CUX1: variants seen among roughly 807,000 people sequenced by gnomAD.
The protein encoded by CUX1 is protein CASP.
Under a neutral mutation model 158.8 loss-of-function variants are expected in CUX1, and 31 were observed. The ratio of observed to expected loss-of-function variants is 0.20; its 90% CI spans 0.15 to 0.26. The LOEUF is 0.26. Ranked by LOEUF, CUX1 falls within the 10% of genes least tolerant of loss-of-function variation. The probability of loss-of-function intolerance (pLI) is 1.00; values close to 1 mark genes in which losing one functional copy is unlikely to be tolerated. For synonymous variants in CUX1, 879 were observed against 862.1 expected (o/e 1.02, Z -0.34); for missense variants, 1,589 against 2,014.6 (o/e 0.79, Z 4.04).
At chr7:102,144,467 A>T (rs1165307922) in intron 8 of CUX1, among the ~76,000 whole-genome samples, 1 of 152,104 alleles carries the variant, frequency 6.6e-6, no homozygotes, top group Non-Finnish European at 1.5e-5. Context: ...AAACATTTTA[A>T]CACACATATC....
intron 1 of CUX1, among the ~76,000 whole-genome samples, chr7:101,839,347 G>A (rs547266697): frequency 6.6e-5 from 10 of 151,156 alleles, no homozygotes; most frequent in African/African-American, 1.9e-4. Flanking sequence ...TCTTACACAC[G>A]TCCCTTACCA....
At position 102,255,038 on chromosome 7, in the gene CUX1, G is replaced by C. The variant is rs1415216955; in HGVS notation, c.*5996G>C. On this transcript the variant is annotated 3_prime_UTR_variant, in exon 24 of 24. Transcript: ENST00000292535. ...CAGGACGGAAGAGGAGGGGGTGTGG[G>C]GGGCAGAGCGTAAAACAAGCCCCAG... The C allele has an allele frequency of 1.5e-5, 15 of 985,358 alleles. No homozygotes were observed. In the Admixed American group the frequency reaches 2.5e-4, roughly 16 times the overall value. The allele number at this position is 985,358 out of a possible 1,614,324, so 61.0% of individuals were successfully genotyped here. A position where few individuals can be genotyped will look rare whatever the true frequency, so the allele number is the denominator to read the frequency against.
chr7:102,273,265 A>G, intron 14 of CUX1: 2 of 1,479,926 alleles, frequency 1.4e-6, no homozygotes, highest in Non-Finnish European at 1.8e-6. Context: ...GCATCCAGGC[A>G]GCCCTGCTTC....
chr7:102,205,033 C>G (rs914730620), intron 19 of CUX1, 81 bp from the exon 20 acceptor site: 5 of 1,016,062 alleles, frequency 4.9e-6, no homozygotes, highest in Non-Finnish European at 7.7e-6. Context: ...GAAGCCTCCC[C>G]GGGCCTTGCC....
intron 8 of CUX1, among the ~76,000 whole-genome samples, chr7:102,136,558 T>G (rs1445476036): frequency 1.3e-5 from 2 of 152,218 alleles, no homozygotes; most frequent in Non-Finnish European, 2.9e-5. Context: ...ACCCAGCTAA[T>G]TTTTGTATTT....
intron 1 of CUX1, among the ~76,000 whole-genome samples, chr7:101,915,036 C>T (rs1006624674): frequency 1.3e-5 from 2 of 152,032 alleles, no homozygotes; most frequent in Non-Finnish European, 2.9e-5. Context: ...TGATTTTTCT[C>T]GCCGTTCAGC....
intron 20 of CUX1, among the ~76,000 whole-genome samples, chr7:102,213,757 A>AGG (rs1796779670): frequency 6.6e-6 from 1 of 152,182 alleles, no homozygotes; most frequent in African/African-American, 2.4e-5. Context: ...GATTGCAGAA[A>AGG]GGGGGGTGGG....
At chr7:102,158,638 A>C in intron 9 of CUX1, 30 bp downstream of exon 9, 2 of 1,610,164 alleles carry the variant, frequency 1.2e-6, no homozygotes, top group Non-Finnish European at 1.7e-6. Context: ...TAGTCCTAAA[A>C]CCCACAATAG....
chr7:102,146,372 G>T (rs1835024649), intron 8 of CUX1, among the ~76,000 whole-genome samples: 1 of 152,188 alleles, frequency 6.6e-6, no homozygotes, highest in African/African-American at 2.4e-5. Context: ...CCAGAGCTGT[G>T]CTATTGGTTT....
rs962031080 is a variant in CUX1, at chr7:102,105,583, G to C, written c.530+1124G>C. Reference sequence around the variant, plus strand: ...GCTGGAGTGCAATGGCGCAATCTCGGCTCACTGCAACCTCCGCCTCCTGGG... The same window carrying C: ...GCTGGAGTGCAATGGCGCAATCTCGCCTCACTGCAACCTCCGCCTCCTGGG... On this transcript the variant is annotated intron_variant, in intron 6 of 23. Coordinates refer to ENST00000292535, the MANE Select transcript of CUX1 (RefSeq NM_181552.4). 7.0e-5 allele frequency among the ~76,000 whole-genome samples: 10 copies of C among 142,998 alleles called. No individual in the cohort carries two copies. The Middle Eastern group carries it at 0.012, about 176-fold the overall frequency. The allele number at this position is 142,998 out of a possible 152,430, so 93.8% of individuals were successfully genotyped here.
chr7:102,234,435 C>T (rs1554531898), intron 22 of CUX1, among the ~76,000 whole-genome samples, 195 bp downstream of exon 22: 1 of 152,138 alleles, frequency 6.6e-6, no homozygotes, highest in Non-Finnish European at 1.5e-5. Flanking sequence ...AACTTTTTCT[C>T]TCCAGCAGCC....
intron 11 of CUX1, among the ~76,000 whole-genome samples, chr7:102,180,884 G>GT (rs1554513785): frequency 3.3e-5 from 5 of 149,504 alleles, no homozygotes; most frequent in African/African-American, 4.9e-5. Context: ...CAGCCAGGTC[G>GT]TTTTTTTTAA....
intron 3 of CUX1, among the ~76,000 whole-genome samples, chr7:102,043,768 A>G (rs1466526143): frequency 1.3e-5 from 2 of 151,634 alleles, no homozygotes; most frequent in Admixed American, 1.3e-4. Context: ...TTTGGGGGGA[A>G]CCTCCGTACT....
intron 8 of CUX1, 126 bp downstream of exon 8, chr7:102,115,399 G>T: frequency 1.3e-6 from 1 of 755,312 alleles, no homozygotes; most frequent in Non-Finnish European, 2.2e-6. Flanking sequence ...TTTCCCATGA[G>T]TTACTTGCGT....
intron 2 of CUX1, among the ~76,000 whole-genome samples, chr7:102,000,243 AC>A (rs1426453687): frequency 6.6e-6 from 1 of 150,754 alleles, no homozygotes; most frequent in Non-Finnish European, 1.5e-5. Context: ...AGAGAGAGAG[AC>A]CCTAGTTTAG....
At chr7:102,088,854 G>A (rs989696059) in intron 4 of CUX1, among the ~76,000 whole-genome samples, 1 of 152,004 alleles carries the variant, frequency 6.6e-6, no homozygotes, top group Non-Finnish European at 1.5e-5. Flanking sequence ...TGTTCTTTGG[G>A]TTTATCCTGC....
chr7:101,906,591 T>G (rs1802785544), intron 1 of CUX1, among the ~76,000 whole-genome samples: 1 of 151,794 alleles, frequency 6.6e-6, no homozygotes, highest in Non-Finnish European at 1.5e-5. Flanking sequence ...ACGGCGGGCT[T>G]TGGCAGGGCG....
At position 101,888,019 on chromosome 7, in the gene CUX1, C is replaced by T. The variant is rs143829375; in HGVS notation, c.31-28096C>T. 6.4e-3 allele frequency among the ~76,000 whole-genome samples: 978 copies of T among 152,216 alleles called. 1 individual carries two copies. The highest frequency in any genetic ancestry group is 0.01 in the Non-Finnish European group (713 of 68,008). ...TTAGGGATTTCCCGAATAAAGCTCA[C>T]TGAGGGTCAATGAGTTCCATAAACA... On this transcript the variant is annotated intron_variant, in intron 1 of 23. Coordinates refer to ENST00000292535, the MANE Select transcript of CUX1 (RefSeq NM_181552.4).
intron 2 of CUX1, among the ~76,000 whole-genome samples, chr7:101,979,298 C>A (rs1231724317): frequency 1.3e-5 from 2 of 152,138 alleles, no homozygotes; most frequent in African/African-American, 4.8e-5. Flanking sequence ...GAGACCCTCA[C>A]CCTGGAGCAG....
Sources: allele counts gnomAD v4.1 joint callset (sites outside exome capture counted in the v4.1 genomes callset), GRCh38; gene constraint gnomAD v4.1.1; transcripts MANE v1.5; gene names NCBI Gene and HGNC (gene_info 2026-07-23, HGNC 2026-07-21).